Variants in TAMM41 observed in about 807,000 individuals in gnomAD.
TAMM41 encodes the protein TAM41 mitochondrial translocator assembly and maintenance homolog.
Under a neutral mutation model 44.1 loss-of-function variants are expected in TAMM41, and 36 were observed. The observed-to-expected ratio is 0.82, with a 90% CI of 0.63 to 1.08. TAMM41 has a LOEUF of 1.08. Ranked by LOEUF, TAMM41 falls within the 50% of genes least tolerant of loss-of-function variation. The pLI is 0.00. For missense variants in TAMM41, 417 were observed against 404.3 expected (o/e 1.03, Z -0.27); for synonymous variants, 164 against 153.1 (o/e 1.07, Z -0.53).
At chr3:11,757,171 TAC>T in the TAMM41 span, among the ~76,000 whole-genome samples, 1 of 152,194 alleles carries the variant, frequency 6.6e-6, no homozygotes, top group Non-Finnish European at 1.5e-5. Flanking sequence ...GCATAGAAAT[TAC>T]AGTCTTCATT....
intron 7 of TAMM41, among the ~76,000 whole-genome samples, chr3:11,803,218 GC>G (rs1378720162): frequency 6.6e-6 from 1 of 152,176 alleles, no homozygotes; most frequent in African/African-American, 2.4e-5. Flanking sequence ...GTTGCTGCGA[GC>G]TGAGATTGCA....
chr3:11,751,594 G>A, the TAMM41 span, among the ~76,000 whole-genome samples: 2 of 152,202 alleles, frequency 1.3e-5, no homozygotes, highest in Admixed American at 1.3e-4. Flanking sequence ...CCAGGGCACT[G>A]TTGGCAGAAG....
chr3:11,770,310 A>G, the TAMM41 span, among the ~76,000 whole-genome samples: 3 of 151,740 alleles, frequency 2.0e-5, no homozygotes, highest in Non-Finnish European at 4.4e-5. Flanking sequence ...AAAAACATGC[A>G]CCCTACCACT....
chr3:11,846,659 A>T lies in TAMM41; in HGVS notation c.-23T>A. ...CATGGGGTCGAGGCTAACAGGGGAC[A>T]CTCAGCGCAGCAGGGCGAGGACAAC... is the stretch of plus-strand genomic sequence containing the variant. On this transcript the variant is annotated 5_prime_UTR_variant, in exon 1 of 8. Transcript: ENST00000455809. The T allele has an allele frequency of 1.2e-6, 2 of 1,614,014 alleles. No individual in the cohort carries two copies. The highest frequency in any genetic ancestry group is 8.5e-7 in the Non-Finnish European group (1 of 1,179,944).
At chr3:11,776,917 G>C in the TAMM41 span, among the ~76,000 whole-genome samples, 1 of 152,230 alleles carries the variant, frequency 6.6e-6, no homozygotes, top group African/African-American at 2.4e-5. Context: ...GACAAAGACT[G>C]TGTGATCTCA....
At chr3:11,784,673 T>C in the TAMM41 span, among the ~76,000 whole-genome samples, 291 of 152,266 alleles carry the variant, frequency 1.9e-3, 9 homozygotes, top group Admixed American at 0.014. Context: ...TTCTAAATTA[T>C]ACAAAATCCA....
the TAMM41 span, among the ~76,000 whole-genome samples, chr3:11,728,432 A>G: frequency 2.0e-5 from 3 of 152,250 alleles, no homozygotes; most frequent in African/African-American, 7.2e-5. Context: ...ATAAAGCTAC[A>G]CAAGGTTCAA....
the TAMM41 span, among the ~76,000 whole-genome samples, chr3:11,729,732 G>C: frequency 2.7e-5 from 4 of 150,796 alleles, no homozygotes; most frequent in African/African-American, 4.9e-5. Context: ...GCTAATTTTT[G>C]TATTTTTAGT....
the TAMM41 span, among the ~76,000 whole-genome samples, chr3:11,759,890 C>T: frequency 6.6e-6 from 1 of 152,176 alleles, no homozygotes; most frequent in South Asian, 2.1e-4. Flanking sequence ...AGGAGAATCG[C>T]TTGAACCCAG....
chr3:11,786,281 TTA>T (rs1213433824), downstream of TAMM41, among the ~76,000 whole-genome samples: 165 of 124,248 alleles, frequency 1.3e-3, no homozygotes, highest in African/African-American at 4.5e-3. Context: ...ATTTATTTAT[TTA>T]ATTTTATTAT....
At chr3:11,746,610 G>A in the TAMM41 span, among the ~76,000 whole-genome samples, 1 of 150,924 alleles carries the variant, frequency 6.6e-6, no homozygotes, top group Non-Finnish European at 1.5e-5. Context: ...ACATATATCA[G>A]AGGCTATATA....
the TAMM41 span, among the ~76,000 whole-genome samples, chr3:11,780,046 A>G: frequency 3.3e-5 from 5 of 152,160 alleles, no homozygotes; most frequent in South Asian, 8.3e-4. Context: ...TCATCTCTCA[A>G]CTAGATGACT....
intron 2 of TAMM41, among the ~76,000 whole-genome samples, chr3:11,841,105 C>CAG (rs1212211316): frequency 1.3e-4 from 12 of 94,290 alleles, no homozygotes; most frequent in African/African-American, 4.1e-4. Context: ...TTTTTTGAGA[C>CAG]AGAGTCTTAC....
intron 1 of TAMM41, among the ~76,000 whole-genome samples, 170 bp from the exon 2 acceptor site, chr3:11,844,381 T>C (rs1214784239): frequency 6.6e-6 from 1 of 152,246 alleles, no homozygotes; most frequent in Non-Finnish European, 1.5e-5. Context: ...TTTGTTTTCA[T>C]CAATGTAATA....
At chr3:11,801,776 T>C (rs73132973) in intron 7 of TAMM41, among the ~76,000 whole-genome samples, 3,420 of 152,040 alleles carry the variant, frequency 0.022, 124 homozygotes, top group African/African-American at 0.077. Context: ...AACAACCTAA[T>C]GCCATACCTC....
rs138435579 is a variant in TAMM41, at chr3:11,806,196, C to T, written c.937+1637G>A. ...TATTAGCAGCATGAGAACAGACTAA[C>T]GCAGCGTTGTGTTCACTTTTGTATC... is the stretch of plus-strand genomic sequence containing the variant. On this transcript the variant is annotated intron_variant, in intron 7 of 7. Transcript: ENST00000455809. 3.0e-4 allele frequency among the ~76,000 whole-genome samples: 46 copies of T among 152,310 alleles called. 1 individual carries two copies. The highest frequency in any genetic ancestry group is 7.5e-4 in the African/African-American group (31 of 41,566).
At chr3:11,785,606 G>A (rs1382755731), downstream of TAMM41, among the ~76,000 whole-genome samples, 18 of 150,726 alleles carry the variant, frequency 1.2e-4, no homozygotes, top group Non-Finnish European at 2.1e-4. Context: ...TTACAGGTGT[G>A]AGCCACCGTG....
At chr3:11,841,102 A>G (rs1285650259) in intron 2 of TAMM41, among the ~76,000 whole-genome samples, 5 of 49,730 alleles carry the variant, frequency 1.0e-4, no homozygotes, top group African/African-American at 3.9e-4. Flanking sequence ...TTTTTTTTTG[A>G]GACAGAGTCT....
At chr3:11,806,444 A>G (rs1559277577) in intron 7 of TAMM41, among the ~76,000 whole-genome samples, 1 of 152,142 alleles carries the variant, frequency 6.6e-6, no homozygotes, top group Non-Finnish European at 1.5e-5. Flanking sequence ...AAAAAACAGG[A>G]GCATTCAGAG....
Sources: gnomAD v4.1 joint callset for allele counts (sites outside exome capture counted in the v4.1 genomes callset) on GRCh38, gnomAD v4.1.1 for gene constraint, MANE v1.5 for transcripts, NCBI Gene and HGNC (gene_info 2026-07-23, HGNC 2026-07-21) for gene names.